Variants in EMP2 observed in about 807,000 individuals in gnomAD.
EMP2 encodes epithelial membrane protein 2.
EMP2 carries 19 observed loss-of-function variants against 13.7 expected under a neutral mutation model. The observed-to-expected ratio is 1.38, with a 90% CI of 0.97 to 2.03. The LOEUF is 2.03. Ranked by LOEUF, EMP2 falls within the 30% of genes most tolerant of loss-of-function variation. EMP2 has a pLI of 0.00. For synonymous variants in EMP2, 97 were observed against 84.7 expected (o/e 1.15, Z -0.80); for missense variants, 253 against 220.7 (o/e 1.15, Z -0.93).
intron 1 of EMP2, among the ~76,000 whole-genome samples, chr16:10,554,763 C>T (rs746217667): frequency 2.0e-5 from 3 of 152,298 alleles, no homozygotes; most frequent in South Asian, 4.1e-4. Context: ...AGTCTTGTCT[C>T]GGTTCCCCTG....
intron 3 of EMP2, among the ~76,000 whole-genome samples, chr16:10,539,420 G>A (rs1250543835): frequency 1.3e-5 from 2 of 152,260 alleles, no homozygotes; most frequent in East Asian, 3.9e-4. Flanking sequence ...CTTATGGGGA[G>A]CGAAAGGAGT....
intron 4 of EMP2, among the ~76,000 whole-genome samples, 169 bp from the exon 5 acceptor site, chr16:10,533,261 C>A (rs1435096085): frequency 3.3e-5 from 5 of 152,144 alleles, no homozygotes; most frequent in African/African-American, 1.2e-4. Flanking sequence ...TGGTCTTGAA[C>A]TCCTGAGCTC....
rs139264011 is a variant in EMP2 at position 10,547,591 on chromosome 16, G to T, written c.27C>A (p.Ile9=). The part of the protein sequence containing the change: MLVLLAFI[I]AFHITSAALL... ...AGGCTGCAGAGGTGATGTGGAAGGC[G>T]ATGATGAAAGCAAGAAGCACCAACA... Residue 9 remains isoleucine, a synonymous_variant, in exon 2 of 5, where the codon ATC becomes ATA. Transcript: ENST00000359543. 1.2e-6 allele frequency: 2 copies of T among 1,614,068 alleles called. No individual in the cohort carries two copies. The highest frequency in any genetic ancestry group is 2.7e-5 in the African/African-American group (2 of 74,932).
At chr16:10,557,917 G>A (rs1464436074) in intron 1 of EMP2, among the ~76,000 whole-genome samples, 1 of 152,134 alleles carries the variant, frequency 6.6e-6, no homozygotes, top group Non-Finnish European at 1.5e-5. Flanking sequence ...GAGAGAGTGG[G>A]GCTGTGGAGG....
chr16:10,565,946 T>C (rs2050904334), intron 1 of EMP2, among the ~76,000 whole-genome samples: 1 of 152,324 alleles, frequency 6.6e-6, no homozygotes, highest in Non-Finnish European at 1.5e-5. Flanking sequence ...GCTGTGCAAC[T>C]GGGAAACTGA....
chr16:10,574,590 G>A (rs935289013), intron 1 of EMP2, among the ~76,000 whole-genome samples: 1 of 151,480 alleles, frequency 6.6e-6, no homozygotes, highest in Non-Finnish European at 1.5e-5. Flanking sequence ...ATGGAGTCTC[G>A]CTCTGTCACC....
At chr16:10,556,797 G>C (rs1031096940) in intron 1 of EMP2, among the ~76,000 whole-genome samples, 1 of 152,222 alleles carries the variant, frequency 6.6e-6, no homozygotes, top group Admixed American at 6.5e-5. Flanking sequence ...AAAATTCACA[G>C]GACTGGAACT....
chr16:10,541,325 T>A (rs986216092), intron 3 of EMP2, among the ~76,000 whole-genome samples: 1 of 152,148 alleles, frequency 6.6e-6, no homozygotes, highest in Non-Finnish European at 1.5e-5. Flanking sequence ...ACTTTTTCAG[T>A]AGAGGGACAG....
chr16:10,532,943 T>C lies in EMP2; in HGVS notation c.466A>G (p.Ser156Gly), dbSNP rs776623915. Reference sequence around the variant, plus strand: ...CTCAGTATCAGGTACATCATGCCGCTGATGAAGGTGCAGGCGAAGGCCACC... The same window carrying C: ...CTCAGTATCAGGTACATCATGCCGCCGATGAAGGTGCAGGCGAAGGCCACC... ...AWVAFACTFI[S>G]GMMYLILRKR... The change falls in exon 5 of 5, where the codon AGC (serine) becomes GGC (glycine). Residue 156 changes from serine (S) to glycine (G), a missense_variant. Physicochemically the swap from Ser to Gly is moderately conservative, Grantham distance 56. Coordinates refer to ENST00000359543, the MANE Select transcript of EMP2 (RefSeq NM_001424.6). 1 of 1,603,646 alleles carries C rather than the reference T, an allele frequency of 6.2e-7. No homozygotes were observed. The highest frequency in any genetic ancestry group is 2.2e-5 in the East Asian group (1 of 44,496).
At chr16:10,533,414 G>C in intron 4 of EMP2, among the ~76,000 whole-genome samples, 1 of 152,158 alleles carries the variant, frequency 6.6e-6, no homozygotes, top group Non-Finnish European at 1.5e-5. Flanking sequence ...GAAGGATATT[G>C]TCACCTACCC....
intron 1 of EMP2, among the ~76,000 whole-genome samples, chr16:10,571,286 G>A (rs1309988028): frequency 8.7e-5 from 12 of 138,608 alleles, no homozygotes; most frequent in Non-Finnish European, 1.1e-4. Context: ...AAAAAAAAGA[G>A]TTGCAGGAAC....
chr16:10,569,974 C>T (rs984628687), intron 1 of EMP2, among the ~76,000 whole-genome samples: 1 of 152,194 alleles, frequency 6.6e-6, no homozygotes, highest in East Asian at 1.9e-4. Context: ...TTCCAAACCC[C>T]CTGCCCTTGC....
intron 3 of EMP2, among the ~76,000 whole-genome samples, chr16:10,540,507 AAAAT>A (rs112860854): frequency 1.4e-5 from 2 of 147,308 alleles, no homozygotes; most frequent in Non-Finnish European, 3.0e-5. Context: ...CTCTGTCTCA[AAAAT>A]AAATAAATAA....
At chr16:10,579,935 A>T (rs12931023) in intron 1 of EMP2, among the ~76,000 whole-genome samples, 2 of 151,830 alleles carry the variant, frequency 1.3e-5, no homozygotes, top group African/African-American at 4.8e-5. Flanking sequence ...AGCCTCTCCT[A>T]CCTCTGGAAC....
chr16:10,560,812 G>A (rs2050866098), intron 1 of EMP2, among the ~76,000 whole-genome samples: 1 of 151,996 alleles, frequency 6.6e-6, no homozygotes, highest in Admixed American at 6.6e-5. Flanking sequence ...GCCCCACAGT[G>A]CAGAGTGGCA....
chr16:10,533,632 A>G (rs575162886), intron 4 of EMP2, among the ~76,000 whole-genome samples: 3 of 152,354 alleles, frequency 2.0e-5, no homozygotes, highest in Non-Finnish European at 2.9e-5. Context: ...TATAGACAAT[A>G]CAAAAATGAA....
At chr16:10,558,439 G>C (rs1020832931) in intron 1 of EMP2, among the ~76,000 whole-genome samples, 1 of 151,932 alleles carries the variant, frequency 6.6e-6, no homozygotes, top group Non-Finnish European at 1.5e-5. Flanking sequence ...CCTAAGTAGA[G>C]GTGCCGTCCA....
At chr16:10,579,235 G>A (rs566578470) in intron 1 of EMP2, among the ~76,000 whole-genome samples, 26 of 152,058 alleles carry the variant, frequency 1.7e-4, no homozygotes, top group Admixed American at 5.2e-4. Context: ...TCCCTTCCTC[G>A]TCCTCTTTAA....
At chr16:10,578,872 A>C (rs946406455) in intron 1 of EMP2, among the ~76,000 whole-genome samples, 2 of 152,208 alleles carry the variant, frequency 1.3e-5, no homozygotes, top group African/African-American at 2.4e-5. Flanking sequence ...TAGTCTTGGC[A>C]TTTGCCAAGG....
Sources: gnomAD v4.1 joint callset for allele counts (sites outside exome capture counted in the v4.1 genomes callset) on GRCh38, gnomAD v4.1.1 for gene constraint, MANE v1.5 for transcripts, NCBI Gene and HGNC (gene_info 2026-07-23, HGNC 2026-07-21) for gene names.